Variants in SAMMSON observed in about 807,000 individuals in gnomAD.
SAMMSON encodes survival associated mitochondrial melanoma specific oncogenic non-coding RNA, also known as long intergenic non-protein coding RNA 1212.
intron 4 of SAMMSON, among the ~76,000 whole-genome samples, chr3:70,207,785 A>G (rs1374424904): frequency 6.6e-6 from 1 of 152,074 alleles, no homozygotes; most frequent in Admixed American, 6.6e-5. Flanking sequence ...GTTATATGCA[A>G]ATACCACATC....
chr3:70,007,842 T>C (rs960499207), intron 1 of SAMMSON, among the ~76,000 whole-genome samples: 2 of 152,136 alleles, frequency 1.3e-5, no homozygotes, highest in African/African-American at 4.8e-5. Flanking sequence ...AAGGAAGAGA[T>C]CCAGTTTCAG....
intron 9 of SAMMSON, among the ~76,000 whole-genome samples, chr3:70,383,374 T>C (rs1481694240): frequency 6.6e-6 from 1 of 151,362 alleles, no homozygotes; most frequent in Admixed American, 6.6e-5. Flanking sequence ...CTTATGGTCC[T>C]CCTTTTAGCT....
At chr3:70,088,291 A>T (rs2067292858) in intron 4 of SAMMSON, among the ~76,000 whole-genome samples, 1 of 152,208 alleles carries the variant, frequency 6.6e-6, no homozygotes, top group Admixed American at 6.5e-5. Context: ...TGATTGATTA[A>T]ACCTGTGCCT....
chr3:70,298,457 A>G (rs1702312887), intron 7 of SAMMSON, among the ~76,000 whole-genome samples: 1 of 152,126 alleles, frequency 6.6e-6, no homozygotes, highest in African/African-American at 2.4e-5. Context: ...ATATTATGGG[A>G]GCTGAACTCC....
chr3:70,324,636 A>G (rs1201722639), intron 7 of SAMMSON, among the ~76,000 whole-genome samples: 3 of 152,140 alleles, frequency 2.0e-5, no homozygotes, highest in Non-Finnish European at 4.4e-5. Flanking sequence ...TAAAATTCCC[A>G]TTTAGTCAGT....
chr3:70,039,850 A>G (rs1299370364), intron 3 of SAMMSON, among the ~76,000 whole-genome samples: 1 of 152,088 alleles, frequency 6.6e-6, no homozygotes, highest in Non-Finnish European at 1.5e-5. Flanking sequence ...GGGAGGATAC[A>G]TTTGGACAAT....
intron 4 of SAMMSON, among the ~76,000 whole-genome samples, chr3:70,124,829 A>C (rs899862678): frequency 1.1e-4 from 17 of 150,456 alleles, no homozygotes; most frequent in African/African-American, 4.1e-4. Context: ...AAAAAAAAAA[A>C]AAAAAAAAAA....
intron 7 of SAMMSON, among the ~76,000 whole-genome samples, chr3:70,296,400 G>GT (rs1702289041): frequency 1.3e-5 from 2 of 151,878 alleles, no homozygotes; most frequent in Admixed American, 1.3e-4. Flanking sequence ...CCAGAAAATG[G>GT]ACCTAATTTT....
At chr3:70,375,271 C>T (rs1170192459) in intron 9 of SAMMSON, among the ~76,000 whole-genome samples, 1 of 152,060 alleles carries the variant, frequency 6.6e-6, no homozygotes, top group Non-Finnish European at 1.5e-5. Context: ...TTGCATTTCC[C>T]GTGTGGTCTT....
intron 1 of SAMMSON, among the ~76,000 whole-genome samples, chr3:70,010,603 T>C (rs115558792): frequency 0.01 from 1,564 of 152,280 alleles, 22 homozygotes; most frequent in Non-Finnish European, 0.016. Flanking sequence ...AACCTATTTG[T>C]AATTTCAGCA....
chr3:70,398,687 G>A (rs1009733263), intron 2 of SAMMSON, among the ~76,000 whole-genome samples: 3 of 152,112 alleles, frequency 2.0e-5, no homozygotes, highest in African/African-American at 7.2e-5. Flanking sequence ...TGTAAATTTT[G>A]TACTTCATCC....
intron 4 of SAMMSON, among the ~76,000 whole-genome samples, chr3:70,180,683 T>A (rs1478395915): frequency 6.6e-6 from 1 of 152,264 alleles, no homozygotes. Context: ...ATTACAGAAG[T>A]ACACCGTGCT....
At chr3:70,196,402 T>C (rs1437684043) in intron 4 of SAMMSON, among the ~76,000 whole-genome samples, 1 of 152,306 alleles carries the variant, frequency 6.6e-6, no homozygotes, top group African/African-American at 2.4e-5. Flanking sequence ...ACTGTACATA[T>C]AAGTGAATTT....
chr3:70,114,762 A>C (rs2067403741), intron 4 of SAMMSON, among the ~76,000 whole-genome samples: 1 of 152,214 alleles, frequency 6.6e-6, no homozygotes, highest in African/African-American at 2.4e-5. Context: ...ATGTGAGAAA[A>C]ATATCCCATG....
At chr3:70,060,540 A>G (rs2067183744) in intron 3 of SAMMSON, among the ~76,000 whole-genome samples, 1 of 152,240 alleles carries the variant, frequency 6.6e-6, no homozygotes, top group East Asian at 1.9e-4. Flanking sequence ...CTATCTATTG[A>G]TAGATACTTA....
At chr3:70,205,614 A>G (rs1701282465) in intron 4 of SAMMSON, 1 of 152,114 alleles carries the variant, frequency 6.6e-6, no homozygotes, top group Non-Finnish European at 1.5e-5. Context: ...ATCAGAGACT[A>G]AAATTTAGAG....
At chr3:70,220,997 C>G (rs1701456758) in intron 4 of SAMMSON, among the ~76,000 whole-genome samples, 1 of 152,140 alleles carries the variant, frequency 6.6e-6, no homozygotes, top group Non-Finnish European at 1.5e-5. Flanking sequence ...TGTTTTAAAT[C>G]TGGTTCTAAG....
At chr3:70,227,803 GA>G (rs35165641) in intron 4 of SAMMSON, among the ~76,000 whole-genome samples, 2 of 152,148 alleles carry the variant, frequency 1.3e-5, no homozygotes, top group Non-Finnish European at 2.9e-5. Context: ...CTGAGGCACA[GA>G]AAGGTAATAC....
intron 4 of SAMMSON, among the ~76,000 whole-genome samples, chr3:70,133,189 A>G (rs1221334808): frequency 3.3e-5 from 5 of 152,092 alleles, no homozygotes; most frequent in African/African-American, 1.2e-4. Context: ...TTCTAGGGGA[A>G]CCAGTCATGT....
Sources: allele counts gnomAD v4.1 joint callset (sites outside exome capture counted in the v4.1 genomes callset), GRCh38; gene constraint gnomAD v4.1.1; transcripts MANE v1.5; gene names NCBI Gene and HGNC (gene_info 2026-07-23, HGNC 2026-07-21).